Variants in ZNF782 observed in about 807,000 individuals in gnomAD.
ZNF782 encodes the protein zinc finger protein 782.
A neutral mutation model predicts 13.0 loss-of-function variants in ZNF782; 12 were observed. That is an observed-to-expected ratio of 0.92 (90% CI 0.59 to 1.50). The LOEUF is 1.50. Among genes scored for constraint, ZNF782 ranks in the 40% most tolerant of loss-of-function variants. The pLI is 0.00. For missense variants in ZNF782, 770 were observed against 822.9 expected (o/e 0.94, Z 0.79); for synonymous variants, 284 against 283.0 (o/e 1.00, Z -0.04).
intron 1 of ZNF782, among the ~76,000 whole-genome samples, chr9:96,869,256 C>A (rs1373610979): frequency 6.6e-6 from 1 of 152,130 alleles, no homozygotes; most frequent in Non-Finnish European, 1.5e-5. Flanking sequence ...TAGATATCAT[C>A]TCTTCTGTAA....
intron 4 of ZNF782, among the ~76,000 whole-genome samples, chr9:96,840,568 A>C (rs1462881533): frequency 6.6e-6 from 1 of 152,052 alleles, no homozygotes; most frequent in Non-Finnish European, 1.5e-5. Context: ...TGTGCTATTG[A>C]ATAACTTGAG....
intron 4 of ZNF782, among the ~76,000 whole-genome samples, chr9:96,838,681 A>G (rs1191675892): frequency 1.3e-5 from 2 of 149,658 alleles, no homozygotes; most frequent in Non-Finnish European, 3.0e-5. Context: ...AGTTATTTCA[A>G]TTTTGATTAG....
At chr9:96,914,303 G>C in the ZNF782 span, among the ~76,000 whole-genome samples, 1 of 150,840 alleles carries the variant, frequency 6.6e-6, no homozygotes. Flanking sequence ...TGTATTTTTA[G>C]TAGAGACGGG....
upstream of ZNF782, among the ~76,000 whole-genome samples, chr9:96,858,627 G>A (rs1851671238): frequency 6.6e-6 from 1 of 152,196 alleles, no homozygotes; most frequent in East Asian, 1.9e-4. This position sits in a 1 kb window ranked among gnomAD's most constrained non-coding sequence, Gnocchi z 4.4. Context: ...TGGCTTTGTG[G>A]GTGACGCTTA....
chr9:96,908,471 T>G, the ZNF782 span, among the ~76,000 whole-genome samples: 4 of 152,150 alleles, frequency 2.6e-5, no homozygotes, highest in Non-Finnish European at 4.4e-5. Context: ...TGAGAAACAG[T>G]CTTGGAAAAA....
rs78257074 is a variant in ZNF782, at chr9:96,822,700, A to C, written c.245-2922T>G. ...CTTTTTCACTTTTAAAAACAAGTAC[A>C]TAAGACTAATATAAGACTAAAAGTT... On this transcript the variant is annotated intron_variant, in intron 5 of 5. Coordinates refer to ENST00000481138, the MANE Select transcript of ZNF782 (RefSeq NM_001001662.3). 9.2e-3 allele frequency among the ~76,000 whole-genome samples: 1,396 copies of C among 152,296 alleles called. 50 individuals are homozygous for C. In the East Asian group the frequency reaches 0.1, roughly 11 times the overall value.
chr9:96,862,978 A>G (rs1439145216), intron 1 of ZNF782, among the ~76,000 whole-genome samples: 1 of 152,240 alleles, frequency 6.6e-6, no homozygotes, highest in African/African-American at 2.4e-5. Context: ...CTCCAGAAGC[A>G]GTGGTGGCAG....
chr9:96,867,446 T>G (rs1851770022), intron 1 of ZNF782, among the ~76,000 whole-genome samples: 3 of 152,192 alleles, frequency 2.0e-5, no homozygotes, highest in African/African-American at 7.2e-5. Context: ...CCTCTTTCTT[T>G]TGTAAATTGC....
chr9:96,840,267 A>G (rs1851146819), intron 4 of ZNF782, among the ~76,000 whole-genome samples: 1 of 151,684 alleles, frequency 6.6e-6, no homozygotes, highest in African/African-American at 2.4e-5. Flanking sequence ...AGGTCTCTGT[A>G]CTCACTATCT....
upstream of ZNF782, among the ~76,000 whole-genome samples, chr9:96,875,813 C>G (rs565254712): frequency 3.3e-5 from 5 of 152,354 alleles, no homozygotes; most frequent in South Asian, 1.0e-3. Flanking sequence ...TGAGCACCTT[C>G]CCCGCCCGCG....
chr9:96,866,380 T>C (rs1851754257), intron 1 of ZNF782, among the ~76,000 whole-genome samples: 1 of 152,128 alleles, frequency 6.6e-6, no homozygotes, highest in Non-Finnish European at 1.5e-5. Flanking sequence ...GCCCCAAGCC[T>C]TGGAAGCTTT....
the ZNF782 span, among the ~76,000 whole-genome samples, chr9:96,912,481 G>T: frequency 2.1e-3 from 323 of 150,316 alleles, 3 homozygotes; most frequent in African/African-American, 7.4e-3. Context: ...GCGACAGAGT[G>T]AGTTTCCATC....
the ZNF782 span, among the ~76,000 whole-genome samples, chr9:96,918,331 A>G: frequency 6.9e-6 from 1 of 143,956 alleles, no homozygotes; most frequent in African/African-American, 2.6e-5. Context: ...AATTGCTTCA[A>G]CTCCGGAGGC....
At chr9:96,860,483 C>A (rs2118858400) in intron 2 of ZNF782, 1 of 152,336 alleles carries the variant, frequency 6.6e-6, no homozygotes, top group East Asian at 1.9e-4. Context: ...GCCTGCTAAT[C>A]CAGACAATTC....
chr9:96,826,755 G>A (rs964381066), intron 5 of ZNF782, among the ~76,000 whole-genome samples: 1 of 152,114 alleles, frequency 6.6e-6, no homozygotes, highest in Non-Finnish European at 1.5e-5. Flanking sequence ...CTCACAGTCT[G>A]TAATTTTGGC....
rs2406182 is a variant in ZNF782 at position 96,829,945 on chromosome 9, A to T, written c.143-2764T>A. Among the ~76,000 whole-genome samples, 1,423 of 152,326 alleles carry T rather than the reference A, an allele frequency of 9.3e-3. 13 individuals are homozygous for T. The highest frequency in any genetic ancestry group is 0.027 in the Middle Eastern group (8 of 294). On this transcript the variant is annotated intron_variant, in intron 4 of 5. Coordinates refer to ENST00000481138, the MANE Select transcript of ZNF782 (RefSeq NM_001001662.3). ...CATAAGATGCTGAAAGGTAGAGAGA[A>T]GACAGCAGATTGTTCAAGGACTTCA...
chr9:96,870,844 TC>T (rs1453691791), intron 1 of ZNF782, among the ~76,000 whole-genome samples: 3 of 152,220 alleles, frequency 2.0e-5, no homozygotes, highest in African/African-American at 7.2e-5. Context: ...GGCTCTTCCT[TC>T]CTACTCTTAG....
chr9:96,869,670 C>T (rs1456615249), intron 1 of ZNF782, among the ~76,000 whole-genome samples: 1 of 152,208 alleles, frequency 6.6e-6, no homozygotes, highest in Admixed American at 6.5e-5. Flanking sequence ...AAATTACTCA[C>T]AACTGACATG....
chr9:96,913,234 G>A, the ZNF782 span, among the ~76,000 whole-genome samples: 8 of 152,150 alleles, frequency 5.3e-5, no homozygotes, highest in Admixed American at 1.3e-4. Context: ...AGAACCACTT[G>A]AACCTGGGAG....
Sources: gnomAD v4.1 joint callset for allele counts (sites outside exome capture counted in the v4.1 genomes callset) on GRCh38, gnomAD v4.1.1 for gene constraint, Gnocchi (gnomAD v3.1) non-coding constraint, MANE v1.5 for transcripts, NCBI Gene and HGNC (gene_info 2026-07-23, HGNC 2026-07-21) for gene names.